SLC35F5: variants seen among roughly 807,000 people sequenced by gnomAD.
SLC35F5 encodes solute carrier family 35 member F5.
Under a neutral mutation model 68.6 loss-of-function variants are expected in SLC35F5, and 54 were observed. The ratio of observed to expected loss-of-function variants is 0.79; its 90% CI spans 0.63 to 0.99. The LOEUF is 0.99. Among genes scored for constraint, SLC35F5 ranks in the 50% least tolerant of loss-of-function variants. SLC35F5 has a pLI of 0.00. For synonymous variants in SLC35F5, 211 were observed against 205.2 expected (o/e 1.03, Z -0.24); for missense variants, 567 against 626.9 (o/e 0.90, Z 1.02).
In SLC35F5 at chr2:113,747,406, C is replaced by T. The variant is rs544030602; in HGVS notation, c.418-1067G>A. Among the ~76,000 whole-genome samples the T allele has an allele frequency of 7.2e-5, 11 of 152,240 alleles. No homozygotes were observed. In the South Asian group the frequency reaches 2.1e-3, roughly 29 times the overall value. On this transcript the variant is annotated intron_variant, in intron 4 of 15. Transcript: ENST00000245680. ...CACAGCTAGTCTATCATTATCTCTG[C>T]TGAAAGTCTGAAGAGGTTAAAAAAC... is the stretch of plus-strand genomic sequence containing the variant.
chr2:113,735,261 C>T (rs2104446506), intron 8 of SLC35F5, among the ~76,000 whole-genome samples: 1 of 152,272 alleles, frequency 6.6e-6, no homozygotes, highest in Non-Finnish European at 1.5e-5. Flanking sequence ...ATAGCACAGG[C>T]TAAGGCATGA....
intron 9 of SLC35F5, among the ~76,000 whole-genome samples, chr2:113,732,241 G>C (rs902847561): frequency 2.6e-5 from 4 of 152,128 alleles, no homozygotes; most frequent in African/African-American, 9.7e-5. Context: ...TAAGGATGTA[G>C]AGATATCAGA....
At chr2:113,756,278 G>T in intron 1 of SLC35F5, 92 bp downstream of exon 1, 1 of 1,544,340 alleles carries the variant, frequency 6.5e-7, no homozygotes. Flanking sequence ...AGGCGCTCCT[G>T]CTGCCACCGA....
At chr2:113,732,632 T>TA (rs1687943171) in intron 9 of SLC35F5, among the ~76,000 whole-genome samples, 1 of 152,196 alleles carries the variant, frequency 6.6e-6, no homozygotes, top group Non-Finnish European at 1.5e-5. Context: ...ATTCAGCTAT[T>TA]ATTTATTGAG....
intron 6 of SLC35F5, 47 bp downstream of exon 6, chr2:113,743,666 G>A (rs1174109900): frequency 7.4e-6 from 11 of 1,483,014 alleles, no homozygotes; most frequent in Admixed American, 1.7e-5. Context: ...GTTCTGAAGT[G>A]GCTTGAATAA....
chr2:113,731,514 G>A (rs1157946694), intron 10 of SLC35F5, 70 bp downstream of exon 10: 7 of 1,227,150 alleles, frequency 5.7e-6, no homozygotes, highest in South Asian at 1.2e-5. Flanking sequence ...GCGTTCATCT[G>A]TGCACATGAG....
At chr2:113,731,515 T>C in intron 10 of SLC35F5, 69 bp downstream of exon 10, 2 of 1,227,784 alleles carry the variant, frequency 1.6e-6, no homozygotes, top group Non-Finnish European at 2.4e-6. Context: ...CGTTCATCTG[T>C]GCACATGAGC....
At chr2:113,754,661 T>C (rs1344782304) in intron 3 of SLC35F5, among the ~76,000 whole-genome samples, 8 of 152,178 alleles carry the variant, frequency 5.3e-5, no homozygotes, top group Non-Finnish European at 2.9e-5. Flanking sequence ...TGAAGGAAAA[T>C]TATGAGGTAT....
chr2:113,703,159 TC>T (rs1686729689), downstream of SLC35F5, among the ~76,000 whole-genome samples: 4 of 150,860 alleles, frequency 2.7e-5, no homozygotes, highest in African/African-American at 9.9e-5. Context: ...TTAATGAATC[TC>T]TTTCTCTCTC....
intron 1 of SLC35F5, 141 bp from the exon 2 acceptor site, chr2:113,755,685 T>C (rs1222035197): frequency 4.8e-6 from 5 of 1,043,980 alleles, no homozygotes; most frequent in Non-Finnish European, 7.2e-6. Flanking sequence ...CTTGCCACCT[T>C]TCTCAGTACT....
chr2:113,739,525 T>G lies in SLC35F5; in HGVS notation c.750+3167A>C, dbSNP rs147117406. On this transcript the variant is annotated intron_variant, in intron 7 of 15. Coordinates refer to ENST00000245680, the MANE Select transcript of SLC35F5 (RefSeq NM_025181.5). ...ACTTGATTAATAATATTCTGCTATG[T>G]AAATCAAAAGAAAATCTTTGGGATT... Among the ~76,000 whole-genome samples the G allele has an allele frequency of 2.9e-3, 442 of 152,326 alleles. 7 individuals are homozygous for G. Among genetic ancestry groups the G allele is most frequent in the African/African-American group, 1.0e-2 (414 of 41,570 alleles).
intron 1 of SLC35F5, chr2:113,756,165 G>C: frequency 2.1e-6 from 3 of 1,454,346 alleles, no homozygotes; most frequent in Non-Finnish European, 2.7e-6. Flanking sequence ...CGAGGCGAGG[G>C]CGCACGCACG....
chr2:113,727,636 A>G (rs973890808), intron 11 of SLC35F5, among the ~76,000 whole-genome samples: 2 of 152,090 alleles, frequency 1.3e-5, no homozygotes, highest in Non-Finnish European at 2.9e-5. Context: ...TTCCAGCACA[A>G]TCATTCAGAT....
At chr2:113,755,964 G>A (rs1646189300) in intron 1 of SLC35F5, 1 of 1,549,114 alleles carries the variant, frequency 6.5e-7, no homozygotes. Context: ...CGGAGAGTAA[G>A]TGATTTGCTG....
chr2:113,707,947 A>G lies in SLC35F5; in HGVS notation c.*7271T>C, dbSNP rs1303730765. On this transcript the variant is annotated 3_prime_UTR_variant, in exon 16 of 16. Transcript: ENST00000245680. Reference sequence around the variant, plus strand: ...CACTTATTTTTTTTAAACCATTATCAGATATTTCATGTTCTACTAGTAAAG... The same window carrying G: ...CACTTATTTTTTTTAAACCATTATCGGATATTTCATGTTCTACTAGTAAAG... 6.6e-6 allele frequency among the ~76,000 whole-genome samples: 1 copy of G among 152,120 alleles called. No homozygotes were observed. Among genetic ancestry groups the G allele is most frequent in the Non-Finnish European group, 1.5e-5 (1 of 68,026 alleles).
chr2:113,729,624 G>T, intron 10 of SLC35F5, 119 bp from the exon 11 acceptor site: 1 of 632,446 alleles, frequency 1.6e-6, no homozygotes. Context: ...GATATATAAT[G>T]ATATAAATCA....
chr2:113,747,963 G>A (rs1676576545), intron 4 of SLC35F5, among the ~76,000 whole-genome samples: 1 of 151,940 alleles, frequency 6.6e-6, no homozygotes, highest in Admixed American at 6.6e-5. Flanking sequence ...ATGGTGGCGG[G>A]CACCTGTAAT....
Position 113,711,826 on chromosome 2 carries a change from AAAATGACATTTCATTT to A in SLC35F5, c.*3376_*3391del, listed in dbSNP as rs1686996853. Among the ~76,000 whole-genome samples the A allele has an allele frequency of 6.6e-6, 1 of 152,234 alleles. No homozygotes were observed. Among genetic ancestry groups the A allele is most frequent in the East Asian group, 1.9e-4 (1 of 5,206 alleles). ...ATCATAACTATACTTACTTAATATG[AAAATGACATTTCATTT>A]ATTTGCTAATATGTGGAAAAAAATT... On this transcript the variant is annotated 3_prime_UTR_variant, in exon 16 of 16. Coordinates refer to ENST00000245680, the MANE Select transcript of SLC35F5 (RefSeq NM_025181.5).
rs1410054778 is a variant in SLC35F5 at position 113,708,344 on chromosome 2, T to G, written c.*6874A>C. On this transcript the variant is annotated 3_prime_UTR_variant, in exon 16 of 16. Transcript: ENST00000245680. ...CCTCGTAGTATTTTAGTCTGGTACT[T>G]TTAGCATCCCCAACTTTTAAGATTA... 6.6e-6 allele frequency among the ~76,000 whole-genome samples: 1 copy of G among 152,318 alleles called. No homozygotes were observed. Among genetic ancestry groups the G allele is most frequent in the East Asian group, 1.9e-4 (1 of 5,194 alleles).
Sources: gnomAD v4.1 joint callset for allele counts (sites outside exome capture counted in the v4.1 genomes callset) on GRCh38, gnomAD v4.1.1 for gene constraint, MANE v1.5 for transcripts, NCBI Gene and HGNC (gene_info 2026-07-23, HGNC 2026-07-21) for gene names.